The following IFT140 variants were observed in gnomAD, a reference collection of about 807,000 sequenced individuals.
IFT140 encodes the protein intraflagellar transport 140, also known as intraflagellar transport protein 140 homolog.
IFT140 carries 133 observed loss-of-function variants against 164.6 expected under a neutral mutation model. That is an observed-to-expected ratio of 0.81 (90% CI 0.70 to 0.93). IFT140 has a LOEUF of 0.93. Ranked by LOEUF, IFT140 falls within the 40% of genes least tolerant of loss-of-function variation. The probability of loss-of-function intolerance (pLI) is 0.00; values close to 1 mark genes in which losing one functional copy is unlikely to be tolerated. For missense variants in IFT140, 2,045 were observed against 1,972.3 expected (o/e 1.04, Z -0.70); for synonymous variants, 860 against 817.3 (o/e 1.05, Z -0.89).
intron 6 of IFT140, among the ~76,000 whole-genome samples, chr16:1,590,855 T>G (rs2035142948): frequency 6.6e-6 from 1 of 152,192 alleles, no homozygotes; most frequent in South Asian, 2.1e-4. Context: ...AGCCTCAGCC[T>G]CCTGGGTTCA....
intron 19 of IFT140, among the ~76,000 whole-genome samples, chr16:1,528,378 C>A (rs1212609745): frequency 6.6e-6 from 1 of 150,952 alleles, no homozygotes; most frequent in African/African-American, 2.4e-5. Context: ...CACGCATGCA[C>A]GCACGTGTGC....
intron 18 of IFT140, among the ~76,000 whole-genome samples, chr16:1,558,728 G>A (rs74821318): frequency 0.054 from 8,195 of 152,270 alleles, 441 homozygotes; most frequent in Admixed American, 0.17. Flanking sequence ...CTCTGCACGC[G>A]CTCTCTGGGC....
intron 19 of IFT140, among the ~76,000 whole-genome samples, chr16:1,544,149 G>A (rs2141313996): frequency 6.8e-6 from 1 of 147,314 alleles, no homozygotes; most frequent in African/African-American, 2.5e-5. Flanking sequence ...TCCCGTGTAG[G>A]TGGGATTGCA....
intron 16 of IFT140, among the ~76,000 whole-genome samples, chr16:1,565,553 C>G (rs2033666258): frequency 6.6e-6 from 1 of 152,218 alleles, no homozygotes; most frequent in African/African-American, 2.4e-5. Flanking sequence ...AGCCTTGTAA[C>G]TGCTCTGCTC....
chr16:1,575,563 A>AAAATAAAAAATTAACAGAG, intron 13 of IFT140, among the ~76,000 whole-genome samples: 1 of 152,152 alleles, frequency 6.6e-6, no homozygotes, highest in Admixed American at 6.5e-5. Context: ...AAAATAAAAT[A>AAAATAAAAAATTAACAGAG]AAATAAAAAA....
At chr16:1,573,050 G>C (rs549180281) in intron 13 of IFT140, among the ~76,000 whole-genome samples, 1 of 152,310 alleles carries the variant, frequency 6.6e-6, no homozygotes, top group African/African-American at 2.4e-5. Flanking sequence ...TCTAAACACA[G>C]ACTCCAAAAG....
intron 13 of IFT140, among the ~76,000 whole-genome samples, chr16:1,574,953 A>C (rs2034201345): frequency 6.6e-6 from 1 of 152,232 alleles, no homozygotes; most frequent in Non-Finnish European, 1.5e-5. Flanking sequence ...GAGGAGGGAT[A>C]GTGACCTGGA....
chr16:1,566,010 A>G, intron 16 of IFT140, 151 bp downstream of exon 16: 1 of 660,702 alleles, frequency 1.5e-6, no homozygotes, highest in Admixed American at 2.3e-5. Flanking sequence ...ACCCACTGCC[A>G]GAGTGTGCTT....
At chr16:1,595,203 T>C (rs938678198) in intron 4 of IFT140, among the ~76,000 whole-genome samples, 2 of 152,050 alleles carry the variant, frequency 1.3e-5, no homozygotes, top group African/African-American at 4.8e-5. Context: ...GAGAATGGTG[T>C]GAACCCAGGA....
intron 17 of IFT140, among the ~76,000 whole-genome samples, 161 bp from the exon 18 acceptor site, chr16:1,562,277 T>G (rs776748374): frequency 1.4e-4 from 22 of 152,034 alleles, no homozygotes; most frequent in Non-Finnish European, 2.6e-4. Context: ...ACACCACCTT[T>G]TATCTGCTCC....
intron 2 of IFT140, among the ~76,000 whole-genome samples, chr16:1,608,631 CAAAAAA>C (rs10675170): frequency 9.6e-5 from 8 of 83,718 alleles, no homozygotes; most frequent in Non-Finnish European, 1.4e-4. Flanking sequence ...GACTCCGCCT[CAAAAAA>C]AAAAAAAAAA....
At position 1,587,945 on chromosome 16, in the gene IFT140, T is replaced by A; in HGVS notation, c.890A>T (p.Glu297Val). The change falls in exon 8 of 31, where the codon GAG (glutamate) becomes GTG (valine). Residue 297 changes from glutamate to valine, a missense_variant. By Grantham distance (121) the Glu-to-Val change is moderately radical. Coordinates refer to ENST00000426508, the MANE Select transcript of IFT140 (RefSeq NM_014714.4). ...GGCAGACTCTCACCTGAGGGCAGCCTCCCCGACGGCCATCACGAGAAGGCT... is the reference window on the plus strand; with the variant it reads ...GGCAGACTCTCACCTGAGGGCAGCCACCCCGACGGCCATCACGAGAAGGCT... ...EGSLLVMAVG[E>V]AALRFWDIER... The A allele has an allele frequency of 1.2e-6, 2 of 1,611,810 alleles. No homozygotes were observed. Among genetic ancestry groups the A allele is most frequent in the Non-Finnish European group, 1.7e-6 (2 of 1,178,932 alleles).
intron 19 of IFT140, among the ~76,000 whole-genome samples, chr16:1,535,851 T>G (rs2031013094): frequency 6.6e-6 from 1 of 152,214 alleles, no homozygotes; most frequent in Non-Finnish European, 1.5e-5. Context: ...AGCCTATGAA[T>G]AACTTCAAAG....
intron 14 of IFT140, 99 bp downstream of exon 14, chr16:1,571,308 C>G: frequency 8.6e-7 from 1 of 1,164,496 alleles, no homozygotes; most frequent in Non-Finnish European, 1.2e-6. Flanking sequence ...AAATGGGCAC[C>G]TAAGGAGTCT....
At chr16:1,525,673 C>G (rs2040667690) in intron 21 of IFT140, among the ~76,000 whole-genome samples, 1 of 152,244 alleles carries the variant, frequency 6.6e-6, no homozygotes. Flanking sequence ...ATCTTTCTGT[C>G]TCCTGCCTGG....
chr16:1,588,581 C>CAGGT (rs1225905393), intron 7 of IFT140, among the ~76,000 whole-genome samples: 2 of 149,346 alleles, frequency 1.3e-5, no homozygotes, highest in Non-Finnish European at 3.0e-5. Flanking sequence ...AGGGTGTGGG[C>CAGGT]AGGTGGCCAT....
chr16:1,579,556 G>A (rs565279365), intron 13 of IFT140: 8 of 152,344 alleles, frequency 5.3e-5, no homozygotes, highest in Admixed American at 3.3e-4. Flanking sequence ...GAAGCCCCTC[G>A]GTTTGTGGTA....
chr16:1,564,165 A>G lies in IFT140; in HGVS notation c.1902-3T>C. On this transcript the variant is annotated splice_polypyrimidine_tract_variant and splice_region_variant and intron_variant, in intron 16 of 30. Coordinates refer to ENST00000426508, the MANE Select transcript of IFT140 (RefSeq NM_014714.4). This position sits in a 1 kb window ranked among gnomAD's most constrained non-coding sequence, Gnocchi z 5.5. ...CCTCATCCACAAAGAGGTGGCTCCT[A>G]AAAGACAAAGGAAGACCCGTTTCAA... 6.4e-7 allele frequency: 1 copy of G among 1,564,892 alleles called. No homozygotes were observed. Among genetic ancestry groups the G allele is most frequent in the South Asian group, 1.2e-5 (1 of 86,950 alleles).
rs574751815 is a variant in IFT140 at position 1,561,926 on chromosome 16, G to A, written c.2199+59C>T. ...TCAGCTCCCTGGGACGCTTGCAAGA[G>A]CCCAGCCAGGCAAGGGGAGAGATCA... On this transcript the variant is annotated intron_variant, in intron 18 of 30. Coordinates refer to ENST00000426508, the MANE Select transcript of IFT140 (RefSeq NM_014714.4). The A allele has an allele frequency of 5.0e-5, 74 of 1,466,216 alleles. No individual in the cohort carries two copies. In the African/African-American group the frequency reaches 9.0e-4, roughly 18 times the overall value. The allele number at this position is 1,466,216 out of a possible 1,614,324, so 90.8% of individuals were successfully genotyped here. A position where few individuals can be genotyped will look rare whatever the true frequency, so the allele number is the denominator to read the frequency against.
Sources: gnomAD v4.1 joint callset for allele counts (sites outside exome capture counted in the v4.1 genomes callset) on GRCh38, gnomAD v4.1.1 for gene constraint, Gnocchi (gnomAD v3.1) non-coding constraint, MANE v1.5 for transcripts, NCBI Gene and HGNC (gene_info 2026-07-23, HGNC 2026-07-21) for gene names.